The following MICAL3 variants were observed in gnomAD, a reference collection of about 807,000 sequenced individuals.
The protein encoded by MICAL3 is [F-actin]-monooxygenase MICAL3.
A neutral mutation model predicts 207.4 loss-of-function variants in MICAL3; 62 were observed. That is an observed-to-expected ratio of 0.30 (90% confidence interval 0.24 to 0.37). MICAL3 has a LOEUF of 0.37. Ranked by LOEUF, MICAL3 falls within the 10% of genes least tolerant of loss-of-function variation. The pLI is 1.00. For missense variants in MICAL3, 2,368 were observed against 2,635.6 expected, an observed-to-expected ratio of 0.90 and a Z score of 2.22; for synonymous variants, 1,077 against 1,069.3, an observed-to-expected ratio of 1.01 and a Z score of -0.14.
intron 29 of MICAL3, among the ~76,000 whole-genome samples, chr22:17,801,396 G>T: frequency 2.0e-5 from 1 of 49,866 alleles, no homozygotes; most frequent in South Asian, 5.9e-4. Flanking sequence ...CTCGTGATCC[G>T]CCCGCCTCGG....
chr22:17,848,044 G>A (rs144130488), intron 19 of MICAL3, among the ~76,000 whole-genome samples: 371 of 152,194 alleles, frequency 2.4e-3, no homozygotes, highest in African/African-American at 8.0e-3. Context: ...ACTAAAGGAA[G>A]CACCAAGCCA....
intron 1 of MICAL3, among the ~76,000 whole-genome samples, chr22:17,975,908 G>A (rs563532160): frequency 1.2e-4 from 18 of 152,134 alleles, no homozygotes; most frequent in East Asian, 1.2e-3. Flanking sequence ...AAAATTAGCC[G>A]GGCGTGGCAG....
chr22:17,976,468 T>A (rs1033138905), intron 1 of MICAL3, among the ~76,000 whole-genome samples: 1 of 151,590 alleles, frequency 6.6e-6, no homozygotes, highest in Non-Finnish European at 1.5e-5. Flanking sequence ...CATCAGTTTA[T>A]GGCTGGTTTT....
At chr22:18,001,296 C>T (rs528447970) in intron 1 of MICAL3, 133 of 152,252 alleles carry the variant, frequency 8.7e-4, no homozygotes, top group African/African-American at 3.0e-3. Flanking sequence ...CCCGCCGGAA[C>T]CAGCCCGGTG....
chr22:17,948,773 C>T (rs1180692360), intron 1 of MICAL3, among the ~76,000 whole-genome samples: 1 of 152,024 alleles, frequency 6.6e-6, no homozygotes, highest in East Asian at 1.9e-4. Context: ...GCTGTGCCCA[C>T]ATGGTGGCAT....
chr22:17,880,030 G>C (rs903203867), intron 16 of MICAL3, among the ~76,000 whole-genome samples: 4 of 152,334 alleles, frequency 2.6e-5, no homozygotes, highest in South Asian at 2.1e-4. Context: ...ACCAGGGAAG[G>C]CTCCTCGCAT....
intron 1 of MICAL3, among the ~76,000 whole-genome samples, chr22:18,011,274 A>C (rs574133456): frequency 1.3e-5 from 2 of 152,328 alleles, no homozygotes; most frequent in East Asian, 3.9e-4. Context: ...GGCTGGGCGC[A>C]GTGGCTCATG....
intron 1 of MICAL3, among the ~76,000 whole-genome samples, chr22:17,985,163 G>A (rs1936095714): frequency 6.6e-6 from 1 of 152,150 alleles, no homozygotes; most frequent in African/African-American, 2.4e-5. Flanking sequence ...CAGGGAGGGG[G>A]AGTCTGTCCC....
At chr22:17,939,955 C>G (rs1238472226) in intron 1 of MICAL3, among the ~76,000 whole-genome samples, 1 of 152,176 alleles carries the variant, frequency 6.6e-6, no homozygotes, top group African/African-American at 2.4e-5. Flanking sequence ...TATGTACATA[C>G]TGTATTTACT....
At chr22:18,022,787 T>A (rs1924567961) in intron 1 of MICAL3, among the ~76,000 whole-genome samples, 1 of 152,102 alleles carries the variant, frequency 6.6e-6, no homozygotes, top group African/African-American at 2.4e-5. Flanking sequence ...TGGGGGGATA[T>A]ACACATGTGA....
At chr22:17,826,195 T>A (rs1209711554) in intron 22 of MICAL3, among the ~76,000 whole-genome samples, 1 of 139,978 alleles carries the variant, frequency 7.1e-6, no homozygotes, top group Non-Finnish European at 1.6e-5. Flanking sequence ...GGCCTTTTTA[T>A]CCGACTCTTA....
chr22:17,976,561 G>GTGTATATA (rs1392364468), intron 1 of MICAL3, among the ~76,000 whole-genome samples: 4 of 80,064 alleles, frequency 5.0e-5, no homozygotes, highest in Non-Finnish European at 8.9e-5. Context: ...GTGTGTGTGT[G>GTGTATATA]TATATATATA....
chr22:17,792,995 G>A (rs762782454), intron 29 of MICAL3, among the ~76,000 whole-genome samples: 7 of 151,864 alleles, frequency 4.6e-5, no homozygotes, highest in Non-Finnish European at 8.8e-5. Context: ...GCCCGGCCAC[G>A]GCGGCACCAG....
intron 1 of MICAL3, among the ~76,000 whole-genome samples, chr22:17,979,585 T>C (rs1003075064): frequency 2.0e-5 from 3 of 152,088 alleles, no homozygotes; most frequent in African/African-American, 7.2e-5. Flanking sequence ...ATAGAGATGT[T>C]GAGTCTTTTT....
chr22:17,889,765 CCA>C (rs1395079318), intron 12 of MICAL3, among the ~76,000 whole-genome samples: 1 of 152,178 alleles, frequency 6.6e-6, no homozygotes, highest in Admixed American at 6.5e-5. Flanking sequence ...TATGACTGTG[CCA>C]CTGCCCTCTA....
At chr22:17,908,469 G>A (rs938973897) in intron 1 of MICAL3, among the ~76,000 whole-genome samples, 18 of 152,030 alleles carry the variant, frequency 1.2e-4, no homozygotes, top group African/African-American at 2.2e-4. Flanking sequence ...CACCACGCCC[G>A]GCTAATTTTT....
chr22:17,895,243 G>T, intron 10 of MICAL3, 41 bp downstream of exon 10: 1 of 1,605,970 alleles, frequency 6.2e-7, no homozygotes, highest in Non-Finnish European at 8.5e-7. Flanking sequence ...CATTGGTCCT[G>T]CAGATGGGCC....
At chr22:17,833,402 A>G (rs887040147) in intron 20 of MICAL3, among the ~76,000 whole-genome samples, 4 of 152,210 alleles carry the variant, frequency 2.6e-5, no homozygotes, top group African/African-American at 9.6e-5. Context: ...CAGGCACGAG[A>G]GGGCATCTGC....
chr22:17,879,360 G>T (rs759632144), intron 16 of MICAL3: 1 of 1,611,746 alleles, frequency 6.2e-7, no homozygotes, highest in Non-Finnish European at 8.5e-7. Context: ...TCATGGTGGG[G>T]GCTCTGCTTG....
Sources: allele counts gnomAD v4.1 joint callset (sites outside exome capture counted in the v4.1 genomes callset), GRCh38; gene constraint gnomAD v4.1.1; transcripts MANE v1.5; gene names NCBI Gene and HGNC (gene_info 2026-07-23, HGNC 2026-07-21).